PCDHGA1: variants seen among roughly 807,000 people sequenced by gnomAD.
The protein encoded by PCDHGA1 is protocadherin gamma-A1.
PCDHGA1 carries 32 observed loss-of-function variants against 58.0 expected under a neutral mutation model. That is an observed-to-expected ratio of 0.55 (90% confidence interval 0.42 to 0.74). PCDHGA1 has a LOEUF of 0.74. Ranked by LOEUF, PCDHGA1 falls within the 30% of genes least tolerant of loss-of-function variation. The pLI, the probability that PCDHGA1 is intolerant of heterozygous loss-of-function variation, is 0.00. For missense variants in PCDHGA1, 1,205 were observed against 1,182.3 expected (o/e 1.02, Z -0.28); for synonymous variants, 498 against 501.1 (o/e 0.99, Z 0.08).
chr5:141,360,204 T>G (rs751196822), intron 1 of PCDHGA1: 1 of 1,612,988 alleles, frequency 6.2e-7, no homozygotes, highest in Non-Finnish European at 8.5e-7. Context: ...TCCTGTTGTC[T>G]TTGTTCCCCG....
intron 1 of PCDHGA1, among the ~76,000 whole-genome samples, chr5:141,358,789 G>A (rs1467414282): frequency 1.3e-5 from 2 of 152,156 alleles, no homozygotes; most frequent in Non-Finnish European, 2.9e-5. Flanking sequence ...AGTTACTTGG[G>A]TTCTGGACTG....
At chr5:141,365,248 A>G in intron 1 of PCDHGA1, 5 of 1,613,892 alleles carry the variant, frequency 3.1e-6, no homozygotes, top group Non-Finnish European at 4.2e-6. Flanking sequence ...CTCTACAATC[A>G]CTGGACTATG....
intron 1 of PCDHGA1, chr5:141,423,072 G>A: frequency 1.2e-6 from 2 of 1,614,120 alleles, no homozygotes; most frequent in Non-Finnish European, 1.7e-6. Flanking sequence ...CCAGCGAGCC[G>A]GGACTCTTCG....
chr5:141,386,587 G>A (rs1423292010), intron 1 of PCDHGA1, among the ~76,000 whole-genome samples: 2 of 151,614 alleles, frequency 1.3e-5, no homozygotes, highest in African/African-American at 4.9e-5. Context: ...CAATAGTGTG[G>A]GGGATACATT....
intron 1 of PCDHGA1, chr5:141,371,929 G>A: frequency 6.2e-7 from 1 of 1,613,366 alleles, no homozygotes; most frequent in South Asian, 1.1e-5. Flanking sequence ...GCGCGGAGCG[G>A]GGTGGTGTTC....
At chr5:141,419,172 T>A in intron 1 of PCDHGA1, 1 of 1,613,914 alleles carries the variant, frequency 6.2e-7, no homozygotes, top group Non-Finnish European at 8.5e-7. Context: ...AGCAAAACCA[T>A]AACCCTGCAC....
At chr5:141,389,055 A>G in intron 1 of PCDHGA1, 1 of 1,613,996 alleles carries the variant, frequency 6.2e-7, no homozygotes, top group South Asian at 1.1e-5. Context: ...TGTTCCATTT[A>G]AAATATTAAC....
intron 1 of PCDHGA1, chr5:141,419,779 GCGCCTGCTAGT>G: frequency 6.2e-7 from 1 of 1,614,064 alleles, no homozygotes; most frequent in Non-Finnish European, 8.5e-7. Flanking sequence ...CGGTCCGCCA[GCGCCTGCTAGT>G]CGCTGTAAGA....
At position 141,487,603 on chromosome 5, in the gene PCDHGA1, C is replaced by T; in HGVS notation, c.2422-7204C>T. The stretch of plus-strand genomic sequence containing the variant: ...CAAGCTGCCCACCCTCTGATCTTCT[C>T]TATGGGCTAGAGGTGAGACCTTTGC... On this transcript the variant is annotated intron_variant, in intron 1 of 3. Transcript: ENST00000517417. This position sits in a 1 kb window ranked among gnomAD's most constrained non-coding sequence, Gnocchi z 5.0. 1.2e-6 allele frequency: 2 copies of T among 1,614,214 alleles called. No individual in the cohort carries two copies. Among genetic ancestry groups the T allele is most frequent in the Non-Finnish European group, 1.7e-6 (2 of 1,180,042 alleles).
At chr5:141,389,089 T>G in intron 1 of PCDHGA1, 1 of 1,613,978 alleles carries the variant, frequency 6.2e-7, no homozygotes, top group East Asian at 2.2e-5. Flanking sequence ...ACGTATAAAT[T>G]AGTGACAGAT....
At chr5:141,365,280 T>C (rs1298679649) in intron 1 of PCDHGA1, 2 of 1,614,018 alleles carry the variant, frequency 1.2e-6, no homozygotes, top group Admixed American at 1.7e-5. Context: ...TTCTACCTCA[T>C]GGAAGTGGTA....
rs1300601208 is a variant in PCDHGA1 at position 141,499,206 on chromosome 5, AC to A, written c.2480+4344del. On this transcript the variant is annotated intron_variant, in intron 2 of 3. Transcript: ENST00000517417. ...ACCATTTCCCCCTTCTTAGGCTGTA[AC>A]CCAGGCCCTGCCCTGCAGCTGTCCC... Among the ~76,000 whole-genome samples the A allele has an allele frequency of 3.3e-5, 5 of 152,062 alleles. No homozygotes were observed. In the East Asian group the frequency reaches 7.7e-4, roughly 24 times the overall value.
intron 1 of PCDHGA1, chr5:141,389,284 C>G (rs1227474648): frequency 1.1e-5 from 17 of 1,613,930 alleles, no homozygotes; most frequent in Admixed American, 1.7e-5. Flanking sequence ...CCGCCTGGAG[C>G]CTCTATTTCA....
At chr5:141,371,652 G>A (rs1158442459) in intron 1 of PCDHGA1, 1 of 1,614,048 alleles carries the variant, frequency 6.2e-7, no homozygotes, top group East Asian at 2.2e-5. Flanking sequence ...AGAATACAAT[G>A]TGACGATCAC....
At chr5:141,429,105 C>G (rs936114624) in intron 1 of PCDHGA1, 1 of 152,318 alleles carries the variant, frequency 6.6e-6, no homozygotes, top group Non-Finnish European at 1.5e-5. Flanking sequence ...CTGCCCGCCT[C>G]GGCCTCCCAA....
At chr5:141,394,259 G>T (rs1367261725) in intron 1 of PCDHGA1, 3 of 1,613,936 alleles carry the variant, frequency 1.9e-6, no homozygotes, top group African/African-American at 2.7e-5. Context: ...CCGACAGCCA[G>T]GAGAATGCCC....
At chr5:141,465,657 G>A (rs904553709) in intron 1 of PCDHGA1, among the ~76,000 whole-genome samples, 4 of 152,130 alleles carry the variant, frequency 2.6e-5, no homozygotes, top group East Asian at 1.9e-4. Flanking sequence ...CCAAAAAAGC[G>A]CTTGCCATGA....
intron 2 of PCDHGA1, 47 bp from the exon 3 acceptor site, chr5:141,505,346 C>G: frequency 4.3e-6 from 7 of 1,612,970 alleles, no homozygotes; most frequent in Non-Finnish European, 5.9e-6. Context: ...GGGGCATGAG[C>G]TGTGCCGGCC....
chr5:141,422,304 A>C (rs1265775894), intron 1 of PCDHGA1: 2 of 1,548,406 alleles, frequency 1.3e-6, no homozygotes. Context: ...CAATTCTGGA[A>C]AACTCTCCTC....
Sources: gnomAD v4.1 joint callset for allele counts (sites outside exome capture counted in the v4.1 genomes callset) on GRCh38, gnomAD v4.1.1 for gene constraint, Gnocchi (gnomAD v3.1) non-coding constraint, MANE v1.5 for transcripts, NCBI Gene and HGNC (gene_info 2026-07-23, HGNC 2026-07-21) for gene names.